The following TRPS1 variants were observed in gnomAD, a reference collection of about 807,000 sequenced individuals.
TRPS1 encodes transcriptional repressor GATA binding 1.
In TRPS1, 6 loss-of-function variants were observed where a neutral mutation model predicts 101.2. The observed-to-expected ratio is 0.06, with a 90% CI of 0.03 to 0.12. The LOEUF (loss-of-function observed/expected upper bound fraction) is 0.12, where lower values mean the gene tolerates loss of function less well. TRPS1 is among the 10% of genes least tolerant of loss of function. The probability of loss-of-function intolerance (pLI) is 1.00; values close to 1 mark genes in which losing one functional copy is unlikely to be tolerated. For missense variants in TRPS1, 1,363 were observed against 1,567.0 expected, an observed-to-expected ratio of 0.87 and a Z score of 2.20; for synonymous variants, 578 against 589.8, an observed-to-expected ratio of 0.98 and a Z score of 0.29.
chr8:115,569,446 G>A (rs1343375581), intron 5 of TRPS1, among the ~76,000 whole-genome samples: 1 of 152,080 alleles, frequency 6.6e-6, no homozygotes, highest in Non-Finnish European at 1.5e-5. Context: ...AATATAACCT[G>A]TACTTTTATT....
At chr8:115,440,402 A>T (rs1171331675) in intron 5 of TRPS1, among the ~76,000 whole-genome samples, 1 of 152,250 alleles carries the variant, frequency 6.6e-6, no homozygotes, top group East Asian at 1.9e-4. Context: ...AGCAGCACAC[A>T]GCTGTACACT....
intron 5 of TRPS1, among the ~76,000 whole-genome samples, chr8:115,505,758 G>C (rs1334366820): frequency 1.3e-5 from 2 of 152,042 alleles, no homozygotes; most frequent in African/African-American, 4.8e-5. Context: ...TGAGCTTTTT[G>C]TTTACCAAGT....
chr8:115,453,311 G>A (rs945079434), intron 5 of TRPS1, among the ~76,000 whole-genome samples: 24 of 152,186 alleles, frequency 1.6e-4, no homozygotes, highest in Admixed American at 3.3e-4. Flanking sequence ...GAGCCACCGC[G>A]CCCAGCCCAT....
At chr8:115,501,257 G>A (rs568144942) in intron 5 of TRPS1, among the ~76,000 whole-genome samples, 13 of 152,218 alleles carry the variant, frequency 8.5e-5, no homozygotes, top group African/African-American at 3.1e-4. Context: ...ACACCTAGCT[G>A]AGCAGGCCCA....
chr8:115,564,079 T>C (rs1817010339), intron 5 of TRPS1, among the ~76,000 whole-genome samples: 1 of 152,114 alleles, frequency 6.6e-6, no homozygotes, highest in African/African-American at 2.4e-5. Flanking sequence ...TTACCTCCAG[T>C]TATGAACTGA....
intron 1 of TRPS1, among the ~76,000 whole-genome samples, chr8:115,638,474 C>T (rs1328034984): frequency 1.3e-5 from 2 of 152,180 alleles, no homozygotes; most frequent in East Asian, 1.9e-4. Flanking sequence ...GAAGCCAACA[C>T]TGCCTTTAAG....
Position 115,414,581 on chromosome 8 carries a change from T to C in TRPS1, c.3327A>G (p.Gly1109=), listed in dbSNP as rs1812868290. The C allele has an allele frequency of 6.2e-7, 1 of 1,613,920 alleles. No individual in the cohort carries two copies. The highest frequency in any genetic ancestry group is 8.5e-7 in the Non-Finnish European group (1 of 1,179,926). ...PIEKYQYPLF[G]LPFVHNDFQS... is the part of the protein sequence containing the mutation. ...GGAAGTCATTATGTACAAAGGGAAG[T>C]CCAAAAAGTGGGTACTGGTACTTTT... is the stretch of plus-strand genomic sequence containing the variant. Residue 1109 remains glycine, a synonymous_variant, in exon 7 of 7, where the codon GGA becomes GGG. Transcript: ENST00000395715. The surrounding 1 kb of genome is among the most constrained non-coding windows in gnomAD (Gnocchi z 4.8).
chr8:115,557,054 C>T (rs1392010683), intron 5 of TRPS1, among the ~76,000 whole-genome samples: 1 of 152,086 alleles, frequency 6.6e-6, no homozygotes, highest in Non-Finnish European at 1.5e-5. Context: ...CAAGGAGAAG[C>T]AAGTCACATC....
intron 5 of TRPS1, among the ~76,000 whole-genome samples, chr8:115,562,552 T>C (rs887623673): frequency 1.3e-5 from 2 of 150,870 alleles, no homozygotes; most frequent in African/African-American, 4.9e-5. Context: ...CTGCAGTTTA[T>C]ATAAGGGGAA....
chr8:115,446,712 T>C lies in TRPS1; in HGVS notation c.2701-28260A>G, dbSNP rs886462662. On this transcript the variant is annotated intron_variant, in intron 5 of 6. Transcript: ENST00000395715. ...CCTCGAATGTTAGAGCTAAAGAATT[T>C]ATAGATAACAATCATGAACCCAGAA... is the stretch of plus-strand genomic sequence containing the variant. Among the ~76,000 whole-genome samples, 4 of 152,162 alleles carry C rather than the reference T, an allele frequency of 2.6e-5. No homozygotes were observed. In the East Asian group the frequency reaches 7.7e-4, roughly 29 times the overall value.
chr8:115,553,879 G>A (rs1450142212), intron 5 of TRPS1, among the ~76,000 whole-genome samples: 2 of 152,082 alleles, frequency 1.3e-5, no homozygotes, highest in Non-Finnish European at 2.9e-5. Context: ...AATATGTGGA[G>A]TTCATGATAT....
intron 5 of TRPS1, among the ~76,000 whole-genome samples, chr8:115,581,447 T>C (rs1003606533): frequency 6.6e-5 from 10 of 152,050 alleles, no homozygotes; most frequent in African/African-American, 2.2e-4. Context: ...GTGATGGATA[T>C]ACAAATTACC....
intron 2 of TRPS1, among the ~76,000 whole-genome samples, chr8:115,621,586 G>A (rs917104331): frequency 2.6e-5 from 4 of 152,168 alleles, no homozygotes; most frequent in African/African-American, 7.2e-5. Flanking sequence ...ATGTGCCACA[G>A]TGAATAATGT....
chr8:115,511,005 T>A (rs1815569519), intron 5 of TRPS1: 1 of 151,990 alleles, frequency 6.6e-6, no homozygotes, highest in South Asian at 2.1e-4. Flanking sequence ...CTTTTTTTGT[T>A]CTTTACAGTT....
intron 5 of TRPS1, among the ~76,000 whole-genome samples, chr8:115,474,589 AG>A (rs1471483477): frequency 1.3e-5 from 2 of 152,154 alleles, no homozygotes; most frequent in Admixed American, 6.5e-5. Flanking sequence ...CTGTAAGAGT[AG>A]TGAAAGTGTC....
intron 5 of TRPS1, among the ~76,000 whole-genome samples, chr8:115,512,367 C>T (rs1312045083): frequency 6.6e-6 from 1 of 151,516 alleles, no homozygotes; most frequent in Non-Finnish European, 1.5e-5. Context: ...CAAAGCTTGG[C>T]CTTATTTCTT....
At chr8:115,656,961 G>A (rs1811690025) in intron 1 of TRPS1, among the ~76,000 whole-genome samples, 1 of 152,078 alleles carries the variant, frequency 6.6e-6, no homozygotes, top group Non-Finnish European at 1.5e-5. Flanking sequence ...TGGACTTCAA[G>A]TAATCCAAGA....
At chr8:115,632,662 C>T (rs1314904372) in intron 1 of TRPS1, among the ~76,000 whole-genome samples, 1 of 152,122 alleles carries the variant, frequency 6.6e-6, no homozygotes, top group Non-Finnish European at 1.5e-5. Flanking sequence ...TACAAATGAA[C>T]AAACTACATA....
Position 115,414,403 on chromosome 8 carries a change from C to T in TRPS1, c.3505G>A (p.Val1169Ile). ...AGAGGAATGTCATTGTCTGATCCAA[C>T]AGCTGAAAAATGAGGAGGCAGATTG... ...TFNLPPHFSAVGSDNDIPLDL... is the reference protein window; with the variant it reads ...TFNLPPHFSAIGSDNDIPLDL... The change falls in exon 7 of 7, where the codon GTT (valine) becomes ATT (isoleucine). Residue 1169 changes from valine to isoleucine, a missense_variant. Physicochemically the swap from Val to Ile is conservative, Grantham distance 29. Coordinates refer to ENST00000395715, the MANE Select transcript of TRPS1 (RefSeq NM_014112.5). This position sits in a 1 kb window ranked among gnomAD's most constrained non-coding sequence, Gnocchi z 4.8. The T allele has an allele frequency of 1.2e-6, 2 of 1,613,984 alleles. No individual in the cohort carries two copies. Among genetic ancestry groups the T allele is most frequent in the East Asian group, 2.2e-5 (1 of 44,870 alleles).
Sources: gnomAD v4.1 joint callset for allele counts (sites outside exome capture counted in the v4.1 genomes callset) on GRCh38, gnomAD v4.1.1 for gene constraint, Gnocchi (gnomAD v3.1) non-coding constraint, MANE v1.5 for transcripts, NCBI Gene and HGNC (gene_info 2026-07-23, HGNC 2026-07-21) for gene names.